OAS1: variants seen among roughly 807,000 people sequenced by gnomAD.
OAS1 encodes the protein 2'-5'-oligoadenylate synthetase 1.
Under a neutral mutation model 38.5 loss-of-function variants are expected in OAS1, and 24 were observed. The ratio of observed to expected loss-of-function variants is 0.62; its 90% CI spans 0.45 to 0.88. The LOEUF is 0.88. Ranked by LOEUF, OAS1 falls within the 40% of genes least tolerant of loss-of-function variation. The pLI, the probability that OAS1 is intolerant of heterozygous loss-of-function variation, is 0.00. For missense variants in OAS1, 482 were observed against 493.9 expected, an observed-to-expected ratio of 0.98 and a Z score of 0.23; for synonymous variants, 169 against 193.9, an observed-to-expected ratio of 0.87 and a Z score of 1.07.
chr12:112,922,275 C>G (rs1385947290), downstream of OAS1, among the ~76,000 whole-genome samples: 6 of 152,136 alleles, frequency 3.9e-5, no homozygotes, highest in Non-Finnish European at 7.4e-5. Context: ...AGTCTGAAAA[C>G]TGGGTTGGTC....
At chr12:112,918,648 A>T (rs2043496169) in intron 5 of OAS1, 1 of 455,800 alleles carries the variant, frequency 2.2e-6, no homozygotes. Flanking sequence ...ACATCAGCTA[A>T]CAAGTGGTGG....
chr12:112,929,969 T>A (rs915667284), intron 6 of OAS1, among the ~76,000 whole-genome samples: 1 of 152,204 alleles, frequency 6.6e-6, no homozygotes, highest in African/African-American at 2.4e-5. Flanking sequence ...AATCTCATGT[T>A]GAAATGTAAT....
At chr12:112,923,110 A>G (rs1363440648), downstream of OAS1, among the ~76,000 whole-genome samples, 1 of 152,184 alleles carries the variant, frequency 6.6e-6, no homozygotes, top group Non-Finnish European at 1.5e-5. Flanking sequence ...TGTATACATT[A>G]ATTTTCTTTA....
At chr12:112,929,617 T>C (rs2384072) in intron 6 of OAS1, among the ~76,000 whole-genome samples, 113,176 of 152,138 alleles carry the variant, frequency 0.74, 43,390 homozygotes, top group African/African-American at 0.94. Context: ...TTAATCCTCA[T>C]ATAAATCCTA....
chr12:112,911,756 C>T (rs746112067), intron 3 of OAS1, among the ~76,000 whole-genome samples: 15 of 152,262 alleles, frequency 9.9e-5, no homozygotes, highest in African/African-American at 1.4e-4. Context: ...TAGAGTAACA[C>T]GGCATATAGT....
downstream of OAS1, among the ~76,000 whole-genome samples, chr12:112,922,648 C>T (rs2043537604): frequency 6.6e-6 from 1 of 152,210 alleles, no homozygotes; most frequent in Non-Finnish European, 1.5e-5. Flanking sequence ...TCTCTCCACA[C>T]ATTCCTTATG....
chr12:112,908,849 T>C, intron 2 of OAS1, 25 bp downstream of exon 2: 1 of 1,545,688 alleles, frequency 6.5e-7, no homozygotes, highest in South Asian at 1.3e-5. Context: ...CTTCTTTTTC[T>C]CCCTCTTCCC....
downstream of OAS1, chr12:112,932,825 G>A (rs1593169154): frequency 2.0e-5 from 3 of 152,290 alleles, no homozygotes; most frequent in Admixed American, 2.0e-4. Flanking sequence ...TAAACTGCCA[G>A]CCCTCAAAGC....
chr12:112,920,108 G>T (rs2043519993), downstream of OAS1, among the ~76,000 whole-genome samples: 1 of 152,106 alleles, frequency 6.6e-6, no homozygotes, highest in Admixed American at 6.5e-5. Flanking sequence ...GCAGAGCCAA[G>T]ACTTCCAGAA....
At chr12:112,928,648 C>T (rs192225376) in intron 6 of OAS1, among the ~76,000 whole-genome samples, 39 of 152,330 alleles carry the variant, frequency 2.6e-4, no homozygotes, top group Middle Eastern at 3.4e-3. Context: ...GAAGCACAAG[C>T]GAGTAAACAG....
In OAS1 at chr12:112,917,844, TATTTTACAGTC is replaced by T. The variant is rs1223514768; in HGVS notation, c.1038+150_1038+160del. ...TCATATAGTGACAGGCTGTGCTCCA[TATTTTACAGTC>T]ATTTTGGTCACAATCGAGGGTTTCT... On this transcript the variant is annotated intron_variant, in intron 5 of 5. Transcript: ENST00000202917. 1.8e-5 allele frequency: 28 copies of T among 1,564,358 alleles called. No homozygotes were observed. In the Admixed American group the frequency reaches 4.9e-4, roughly 27 times the overall value.
intron 3 of OAS1, among the ~76,000 whole-genome samples, chr12:112,914,531 G>A (rs1303874103): frequency 6.6e-6 from 1 of 152,146 alleles, no homozygotes; most frequent in Non-Finnish European, 1.5e-5. Context: ...GTTTTCCATA[G>A]TGGTTGTATG....
chr12:112,918,383 AG>A, intron 5 of OAS1: 2 of 260,868 alleles, frequency 7.7e-6, no homozygotes, highest in Non-Finnish European at 1.6e-5. Flanking sequence ...TTCTTTATCC[AG>A]TTCACACTGA....
chr12:112,922,024 T>C (rs776526744), downstream of OAS1, among the ~76,000 whole-genome samples: 8 of 152,194 alleles, frequency 5.3e-5, no homozygotes, highest in Admixed American at 2.6e-4. Flanking sequence ...GGCTCCATTT[T>C]TCACTCTTGG....
chr12:112,908,336 A>G (rs1372330360), intron 1 of OAS1, among the ~76,000 whole-genome samples, 200 bp from the exon 2 acceptor site: 2 of 152,168 alleles, frequency 1.3e-5, no homozygotes, highest in African/African-American at 4.8e-5. Flanking sequence ...CTGAGCATCC[A>G]TTTTCCCATC....
At chr12:112,909,859 C>T (rs927372208) in intron 2 of OAS1, among the ~76,000 whole-genome samples, 1 of 152,048 alleles carries the variant, frequency 6.6e-6, no homozygotes, top group African/African-American at 2.4e-5. Context: ...TTAGTGGCTA[C>T]TAATTAATAG....
intron 5 of OAS1, chr12:112,918,103 T>C (rs1418705924): frequency 9.4e-6 from 3 of 317,642 alleles, no homozygotes; most frequent in Non-Finnish European, 1.7e-5. Context: ...CACAGCTATA[T>C]TGTGTAATGG....
chr12:112,918,783 G>A, intron 5 of OAS1: 1 of 348,574 alleles, frequency 2.9e-6, no homozygotes, highest in Non-Finnish European at 5.9e-6. Context: ...GAGTGACTTG[G>A]GTTGTCACAC....
At chr12:112,927,434 T>G (rs1298707619) in intron 6 of OAS1, among the ~76,000 whole-genome samples, 6 of 152,110 alleles carry the variant, frequency 3.9e-5, no homozygotes, top group Admixed American at 3.9e-4. Flanking sequence ...ATTTAAGAAG[T>G]GCCTCCCTCC....
Sources: gnomAD v4.1 joint callset for allele counts (sites outside exome capture counted in the v4.1 genomes callset) on GRCh38, gnomAD v4.1.1 for gene constraint, MANE v1.5 for transcripts, NCBI Gene and HGNC (gene_info 2026-07-23, HGNC 2026-07-21) for gene names.